PLCB1: variants seen among roughly 807,000 people sequenced by gnomAD.
The protein encoded by PLCB1 is phospholipase C beta 1.
In PLCB1, 46 loss-of-function variants were observed where a neutral mutation model predicts 161.8. The ratio of observed to expected loss-of-function variants is 0.28; its 90% CI spans 0.22 to 0.36. The LOEUF is 0.36. Among genes scored for constraint, PLCB1 ranks in the 10% least tolerant of loss-of-function variants. The pLI, the probability that PLCB1 is intolerant of heterozygous loss-of-function variation, is 1.00. For missense variants in PLCB1, 1,016 were observed against 1,472.5 expected, an observed-to-expected ratio of 0.69 and a Z score of 5.07; for synonymous variants, 517 against 503.7, an observed-to-expected ratio of 1.03 and a Z score of -0.35.
chr20:8,299,710 G>C (rs182923989), intron 2 of PLCB1, among the ~76,000 whole-genome samples: 1 of 152,228 alleles, frequency 6.6e-6, no homozygotes, highest in Non-Finnish European at 1.5e-5. Context: ...TATCAACTTA[G>C]TTGCCCAAAC....
intron 2 of PLCB1, among the ~76,000 whole-genome samples, chr20:8,329,323 T>A (rs993534753): frequency 1.3e-5 from 2 of 149,188 alleles, no homozygotes; most frequent in Admixed American, 1.3e-4. Context: ...ATAAATACTT[T>A]TTTTTTTTTT....
rs147344667 is a variant in PLCB1 at position 8,274,913 on chromosome 20, A to C, written c.178-96469A>C. On this transcript the variant is annotated intron_variant, in intron 2 of 31. Coordinates refer to ENST00000338037, the MANE Select transcript of PLCB1 (RefSeq NM_015192.4). ...TTGCTTTTCGTGCCTGGATGCTTGA[A>C]AAAGTCTTCTCTTTATTTTCCTCTG... 3.4e-3 allele frequency among the ~76,000 whole-genome samples: 512 copies of C among 152,256 alleles called. 1 individual carries two copies. The highest frequency in any genetic ancestry group is 0.011 in the African/African-American group (458 of 41,556).
At chr20:8,769,375 C>CTA (rs147923379) in intron 26 of PLCB1, among the ~76,000 whole-genome samples, 8,713 of 150,432 alleles carry the variant, frequency 0.058, 506 homozygotes, top group African/African-American at 0.16. Context: ...AGTTCTATTT[C>CTA]TATATATATA....
intron 31 of PLCB1, among the ~76,000 whole-genome samples, chr20:8,847,897 G>A (rs879475517): frequency 1.3e-5 from 2 of 152,116 alleles, no homozygotes; most frequent in Non-Finnish European, 2.9e-5. Context: ...CAATTTATAC[G>A]AACAGAAATC....
chr20:8,157,032 C>T (rs1189680821), intron 2 of PLCB1, among the ~76,000 whole-genome samples: 2 of 152,156 alleles, frequency 1.3e-5, no homozygotes, highest in African/African-American at 4.8e-5. Context: ...TATTTAGACT[C>T]TGCTGTGGTC....
intron 31 of PLCB1, among the ~76,000 whole-genome samples, chr20:8,873,553 C>G (rs1987677342): frequency 6.6e-6 from 1 of 151,950 alleles, no homozygotes; most frequent in Non-Finnish European, 1.5e-5. Context: ...GAAATAATCA[C>G]ATTACCATAA....
chr20:8,452,435 T>C (rs1338712348), intron 3 of PLCB1, among the ~76,000 whole-genome samples: 1 of 152,212 alleles, frequency 6.6e-6, no homozygotes, highest in Admixed American at 6.5e-5. Flanking sequence ...CATTAGTTAA[T>C]TGTCATCAAG....
At chr20:8,778,801 C>T (rs1213668737) in intron 27 of PLCB1, among the ~76,000 whole-genome samples, 1 of 152,200 alleles carries the variant, frequency 6.6e-6, no homozygotes, top group Non-Finnish European at 1.5e-5. Context: ...GAATTAGAAC[C>T]ACACAATGTT....
intron 27 of PLCB1, among the ~76,000 whole-genome samples, chr20:8,780,173 A>T (rs1983141901): frequency 6.6e-6 from 1 of 152,150 alleles, no homozygotes; most frequent in Admixed American, 6.5e-5. Flanking sequence ...TTAATTTTAA[A>T]AGTGACTTTG....
At chr20:8,256,161 C>G (rs1463166171) in intron 2 of PLCB1, among the ~76,000 whole-genome samples, 1 of 152,148 alleles carries the variant, frequency 6.6e-6, no homozygotes, top group African/African-American at 2.4e-5. Context: ...TGATGCATGA[C>G]TGTATTTCCT....
chr20:8,644,354 G>A (rs1333324225), intron 4 of PLCB1, among the ~76,000 whole-genome samples: 6 of 148,578 alleles, frequency 4.0e-5, no homozygotes, highest in African/African-American at 1.3e-4. Context: ...AGTGAGGAGC[G>A]CCTCTTCCCG....
At chr20:8,490,442 G>A (rs1303025479) in intron 3 of PLCB1, among the ~76,000 whole-genome samples, 1 of 152,218 alleles carries the variant, frequency 6.6e-6, no homozygotes, top group Non-Finnish European at 1.5e-5. Flanking sequence ...CTGGTTAATA[G>A]GGTATTATTT....
intron 3 of PLCB1, among the ~76,000 whole-genome samples, chr20:8,536,040 C>G (rs1985037761): frequency 6.6e-6 from 1 of 151,860 alleles, no homozygotes; most frequent in Non-Finnish European, 1.5e-5. Context: ...CACCACTAAA[C>G]TTGATTTCCC....
At chr20:8,749,954 T>TAG (rs1193921311) in intron 23 of PLCB1, among the ~76,000 whole-genome samples, 1 of 8,746 alleles carries the variant, frequency 1.1e-4, no homozygotes. Context: ...ATTCATTCAA[T>TAG]ATTTTTTTTT....
chr20:8,830,762 G>A (rs1291547308), intron 31 of PLCB1, among the ~76,000 whole-genome samples: 1 of 152,034 alleles, frequency 6.6e-6, no homozygotes, highest in Non-Finnish European at 1.5e-5. Context: ...TCTGAAGGCT[G>A]GCATCAGTAT....
At chr20:8,673,762 A>T (rs1169483522) in intron 9 of PLCB1, among the ~76,000 whole-genome samples, 2 of 152,206 alleles carry the variant, frequency 1.3e-5, no homozygotes, top group African/African-American at 2.4e-5. Context: ...TAATACATAA[A>T]TGTTAATATT....
At chr20:8,441,720 A>G (rs188118382) in intron 3 of PLCB1, among the ~76,000 whole-genome samples, 7 of 152,292 alleles carry the variant, frequency 4.6e-5, no homozygotes, top group Admixed American at 3.9e-4. Flanking sequence ...TAACAGAAAA[A>G]TTCCTATGGG....
At chr20:8,169,406 C>G (rs978848687) in intron 2 of PLCB1, among the ~76,000 whole-genome samples, 1 of 152,040 alleles carries the variant, frequency 6.6e-6, no homozygotes, top group Non-Finnish European at 1.5e-5. Context: ...AATAGGAATC[C>G]CATGAGGATT....
At chr20:8,639,260 G>A (rs575494020) in intron 4 of PLCB1, among the ~76,000 whole-genome samples, 2 of 152,330 alleles carry the variant, frequency 1.3e-5, no homozygotes, top group East Asian at 3.9e-4. Flanking sequence ...CTGGGACTAC[G>A]TGCTGAAGGA....
Sources: allele counts gnomAD v4.1 joint callset (sites outside exome capture counted in the v4.1 genomes callset), GRCh38; gene constraint gnomAD v4.1.1; transcripts MANE v1.5; gene names NCBI Gene and HGNC (gene_info 2026-07-23, HGNC 2026-07-21).